ADCY10: variants seen among roughly 807,000 people sequenced by gnomAD.
ADCY10 encodes the protein adenylate cyclase type 10.
A neutral mutation model predicts 183.3 loss-of-function variants in ADCY10; 156 were observed. The observed-to-expected ratio is 0.85, with a 90% CI of 0.75 to 0.97. The LOEUF is 0.97. Ranked by LOEUF, ADCY10 falls within the 50% of genes least tolerant of loss-of-function variation. ADCY10 has a pLI of 0.00. For missense variants in ADCY10, 1,745 were observed against 1,934.3 expected (o/e 0.90, Z 1.84); for synonymous variants, 645 against 670.0 (o/e 0.96, Z 0.58).
Position 167,824,675 on chromosome 1 carries a change from G to T in ADCY10, c.3931C>A (p.His1311Asn), listed in dbSNP as rs751688762. The T allele has an allele frequency of 1.2e-6, 2 of 1,614,192 alleles. No individual in the cohort carries two copies. The highest frequency in any genetic ancestry group is 2.2e-5 in the East Asian group (1 of 44,876). Reference sequence around the variant, plus strand: ...CCTAACTCAATGGCCAAATCCAGGTGTCCCATTATGAGCTTGTTGAAGACC... The same window carrying T: ...CCTAACTCAATGGCCAAATCCAGGTTTCCCATTATGAGCTTGTTGAAGACC... ...TLVFNKLIMG[H>N]LDLAIELGSR... is the part of the protein sequence containing the mutation. The change falls in exon 27 of 33, where the codon CAC becomes AAC. Residue 1311 changes from histidine to asparagine, a missense_variant. Coordinates refer to ENST00000367851, the MANE Select transcript of ADCY10 (RefSeq NM_018417.6).
intron 18 of ADCY10, among the ~76,000 whole-genome samples, chr1:167,851,977 GA>G (rs1665526387): frequency 6.6e-6 from 1 of 152,056 alleles, no homozygotes; most frequent in Admixed American, 6.5e-5. Flanking sequence ...TAATTGAAGT[GA>G]AATTCACCTA....
At chr1:167,822,187 A>T (rs781573590) in intron 29 of ADCY10, 46 bp from the exon 30 acceptor site, 1 of 1,216,766 alleles carries the variant, frequency 8.2e-7, no homozygotes, top group East Asian at 2.3e-5. Flanking sequence ...GGTGTGGGTG[A>T]TCATCTTTCT....
At chr1:167,886,230 G>GC (rs1668214800) in intron 8 of ADCY10, among the ~76,000 whole-genome samples, 1 of 152,164 alleles carries the variant, frequency 6.6e-6, no homozygotes. Flanking sequence ...AAAAGAGCCT[G>GC]CATTGTCAAG....
At chr1:167,851,745 C>G (rs1348627738) in intron 18 of ADCY10, among the ~76,000 whole-genome samples, 2 of 151,752 alleles carry the variant, frequency 1.3e-5, no homozygotes, top group African/African-American at 2.4e-5. Flanking sequence ...ATTGCTTGAA[C>G]CCAGGAGGCG....
chr1:167,893,040 G>A (rs1252582896), intron 8 of ADCY10, among the ~76,000 whole-genome samples: 1 of 152,180 alleles, frequency 6.6e-6, no homozygotes, highest in Non-Finnish European at 1.5e-5. Context: ...TGAGTGATAA[G>A]AGATAGTTAT....
In ADCY10 at chr1:167,838,679, G is replaced by A. The variant is rs141864486; in HGVS notation, c.3008-1361C>T. On this transcript the variant is annotated intron_variant, in intron 21 of 32. Coordinates refer to ENST00000367851, the MANE Select transcript of ADCY10 (RefSeq NM_018417.6). ...TTTTAATTACATTCATATGCTAATG[G>A]ATTTCCATTTTATATATCTAAGCCT... Among the ~76,000 whole-genome samples, 582 of 152,244 alleles carry A rather than the reference G, an allele frequency of 3.8e-3. 5 individuals carry two copies. The highest frequency in any genetic ancestry group is 0.01 in the South Asian group (50 of 4,820).
At chr1:167,859,364 C>T (rs960494121) in intron 16 of ADCY10, among the ~76,000 whole-genome samples, 2 of 152,194 alleles carry the variant, frequency 1.3e-5, no homozygotes, top group African/African-American at 2.4e-5. Context: ...TTTAAACTTA[C>T]ATCCCAGTGA....
intron 30 of ADCY10, 117 bp from the exon 31 acceptor site, chr1:167,818,384 G>A: frequency 1.1e-6 from 1 of 895,182 alleles, no homozygotes; most frequent in Non-Finnish European, 1.9e-6. Context: ...GAAGTGTGTA[G>A]TCTCCTGCCT....
intron 14 of ADCY10, among the ~76,000 whole-genome samples, chr1:167,867,622 A>T (rs1310890495): frequency 1.3e-5 from 2 of 152,192 alleles, no homozygotes; most frequent in Non-Finnish European, 2.9e-5. Context: ...ACAGTTTTTT[A>T]AAATAAATTA....
chr1:167,816,281 C>T (rs989249482), intron 31 of ADCY10, among the ~76,000 whole-genome samples: 3 of 152,110 alleles, frequency 2.0e-5, no homozygotes, highest in African/African-American at 7.2e-5. Flanking sequence ...CACGGTGGTT[C>T]ACACCTGTAA....
chr1:167,841,705 G>T (rs1423208250), intron 21 of ADCY10, among the ~76,000 whole-genome samples: 1 of 151,804 alleles, frequency 6.6e-6, no homozygotes, highest in Non-Finnish European at 1.5e-5. Flanking sequence ...GCCCAGGCTG[G>T]TCTTGAACCC....
intron 14 of ADCY10, among the ~76,000 whole-genome samples, chr1:167,867,471 T>C (rs1666790453): frequency 6.6e-6 from 1 of 152,190 alleles, no homozygotes; most frequent in Non-Finnish European, 1.5e-5. Flanking sequence ...ATTGCTACAG[T>C]CCTATTATTT....
chr1:167,903,882 C>G lies in ADCY10; in HGVS notation c.253+5G>C. On this transcript the variant is annotated splice_donor_5th_base_variant and intron_variant, in intron 3 of 32. Transcript: ENST00000367851. ...CTCAAGCCAGAAACCTATGGGAACA[C>G]TTACTCTCCACTATTGCACTTATGT... 6.2e-7 allele frequency: 1 copy of G among 1,602,632 alleles called. No individual in the cohort carries two copies. Among genetic ancestry groups the G allele is most frequent in the East Asian group, 2.2e-5 (1 of 44,800 alleles).
At chr1:167,872,913 T>C (rs1023704410) in intron 13 of ADCY10, among the ~76,000 whole-genome samples, 1 of 151,204 alleles carries the variant, frequency 6.6e-6, no homozygotes, top group Non-Finnish European at 1.5e-5. Flanking sequence ...CTACTAAAAA[T>C]ACAAAAATTA....
intron 1 of ADCY10, among the ~76,000 whole-genome samples, chr1:167,912,812 T>C (rs1431782772): frequency 1.3e-5 from 2 of 152,230 alleles, no homozygotes; most frequent in Non-Finnish European, 2.9e-5. Flanking sequence ...CAATTCTACA[T>C]AGGTTGCCTC....
intron 8 of ADCY10, among the ~76,000 whole-genome samples, chr1:167,888,239 A>G (rs1668357823): frequency 6.6e-6 from 1 of 152,158 alleles, no homozygotes; most frequent in African/African-American, 2.4e-5. Flanking sequence ...TTTTTGCTTC[A>G]GATAGCTTTG....
intron 9 of ADCY10, among the ~76,000 whole-genome samples, chr1:167,881,986 T>A (rs1469772676): frequency 6.6e-6 from 1 of 152,244 alleles, no homozygotes; most frequent in East Asian, 1.9e-4. Flanking sequence ...ATATATGTGT[T>A]ACTCATCTCT....
chr1:167,880,062 G>A, intron 11 of ADCY10, 53 bp downstream of exon 11: 5 of 1,493,078 alleles, frequency 3.3e-6, no homozygotes, highest in Non-Finnish European at 4.6e-6. Flanking sequence ...AAGCCCAGTG[G>A]CAAGGTGCTG....
intron 18 of ADCY10, among the ~76,000 whole-genome samples, 165 bp downstream of exon 18, chr1:167,854,188 T>C (rs938095961): frequency 6.6e-5 from 10 of 152,220 alleles, no homozygotes; most frequent in African/African-American, 2.4e-4. Context: ...CAATGTTAAG[T>C]TCGCTTACAA....
Sources: gnomAD v4.1 joint callset for allele counts (sites outside exome capture counted in the v4.1 genomes callset) on GRCh38, gnomAD v4.1.1 for gene constraint, MANE v1.5 for transcripts, NCBI Gene and HGNC (gene_info 2026-07-23, HGNC 2026-07-21) for gene names.